The following ARHGAP1 variants were observed in gnomAD, a reference collection of about 807,000 sequenced individuals.
ARHGAP1 encodes the protein rho GTPase-activating protein 1.
In ARHGAP1, 23 loss-of-function variants were observed where a neutral mutation model predicts 52.2. That is an observed-to-expected ratio of 0.44 (90% confidence interval 0.32 to 0.62). The LOEUF (loss-of-function observed/expected upper bound fraction) is 0.62, where lower values mean the gene tolerates loss of function less well. Among genes scored for constraint, ARHGAP1 ranks in the 20% least tolerant of loss-of-function variants. The pLI is 0.05. For missense variants in ARHGAP1, 480 were observed against 560.9 expected (o/e 0.86, Z 1.46); for synonymous variants, 210 against 228.4 (o/e 0.92, Z 0.73).
rs756108181 is a variant in ARHGAP1 at position 46,681,288 on chromosome 11, C to T, written c.536+5G>A. The T allele has an allele frequency of 3.1e-6, 5 of 1,611,878 alleles. 1 individual carries two copies. The South Asian group carries it at 5.5e-5, about 18-fold the overall frequency. ...GGACCACCAGCCCTGCCCGTGGCCA[C>T]TCACCTGATGAGGGGCTTGAAGAGG... On this transcript the variant is annotated splice_donor_5th_base_variant and intron_variant, in intron 6 of 12. Coordinates refer to ENST00000311956, the MANE Select transcript of ARHGAP1 (RefSeq NM_004308.5). This position sits in a 1 kb window ranked among gnomAD's most constrained non-coding sequence, Gnocchi z 5.7.
intron 4 of ARHGAP1, 44 bp from the exon 5 acceptor site, chr11:46,682,226 G>T: frequency 6.3e-7 from 1 of 1,598,824 alleles, no homozygotes; most frequent in Non-Finnish European, 8.6e-7. Flanking sequence ...GTGCACAGGG[G>T]CGGCCCCACG....
intron 4 of ARHGAP1, among the ~76,000 whole-genome samples, chr11:46,682,888 C>T (rs2064539726): frequency 6.6e-6 from 1 of 152,196 alleles, no homozygotes; most frequent in Non-Finnish European, 1.5e-5. Context: ...AAGCACTTCA[C>T]ATACATTAGC....
chr11:46,680,827 C>CGGG lies in ARHGAP1; in HGVS notation c.636-83_636-81dup. On this transcript the variant is annotated intron_variant, in intron 7 of 12. Coordinates refer to ENST00000311956, the MANE Select transcript of ARHGAP1 (RefSeq NM_004308.5). The surrounding 1 kb of genome is among the most constrained non-coding windows in gnomAD (Gnocchi z 5.9). ...CCAATTCAATCAAGCATTGACCACG[C>CGGG]GGGGTCAGGAGGATCATCTCATGCG... is the stretch of plus-strand genomic sequence containing the variant. The CGGG allele has an allele frequency of 8.4e-7, 1 of 1,187,008 alleles. No individual in the cohort carries two copies. The highest frequency in any genetic ancestry group is 1.2e-6 in the Non-Finnish European group (1 of 846,410). The allele number at this position is 1,187,008 out of a possible 1,614,324, so 73.5% of individuals were successfully genotyped here.
Position 46,681,543 on chromosome 11 carries a change from C to T in ARHGAP1, c.450-164G>A. Reference sequence around the variant, plus strand: ...CCACCTCCCGGATTCAAGCTATTCTCCTGCCTCAGCCTCCTGAGTAACTAG... The same window carrying T: ...CCACCTCCCGGATTCAAGCTATTCTTCTGCCTCAGCCTCCTGAGTAACTAG... On this transcript the variant is annotated intron_variant, in intron 5 of 12. Transcript: ENST00000311956. The surrounding 1 kb of genome is among the most constrained non-coding windows in gnomAD (Gnocchi z 5.7). The T allele has an allele frequency of 1.7e-6, 1 of 587,144 alleles. No homozygotes were observed. 36.4% of individuals were successfully genotyped at this position (587,144 alleles called of 1,614,324 possible). A position where few individuals can be genotyped will look rare whatever the true frequency, so the allele number is the denominator to read the frequency against.
At chr11:46,695,180 C>A in intron 3 of ARHGAP1, 1 of 341,728 alleles carries the variant, frequency 2.9e-6, no homozygotes, top group South Asian at 2.3e-5. Flanking sequence ...AGCATATCTG[C>A]CAGGAATCTG....
rs182908485 is a variant in ARHGAP1 at position 46,684,960 on chromosome 11, C to T, written c.318-2778G>A. Reference sequence around the variant, plus strand: ...AAAATTAGCTGAGTGTGGTGGTGCACGCCTGTAATCCCAGCTACTCGGGAG... The same window carrying T: ...AAAATTAGCTGAGTGTGGTGGTGCATGCCTGTAATCCCAGCTACTCGGGAG... On this transcript the variant is annotated intron_variant, in intron 4 of 12. Transcript: ENST00000311956. 8.4e-3 allele frequency among the ~76,000 whole-genome samples: 1,276 copies of T among 151,784 alleles called. 9 individuals carry two copies. Among genetic ancestry groups the T allele is most frequent in the African/African-American group, 0.03 (1,229 of 41,384 alleles).
At chr11:46,690,342 G>A (rs1472465190) in intron 3 of ARHGAP1, among the ~76,000 whole-genome samples, 1 of 150,814 alleles carries the variant, frequency 6.6e-6, no homozygotes, top group African/African-American at 2.4e-5. Flanking sequence ...AGCCGAGATC[G>A]CCCCACTGCA....
At chr11:46,683,629 T>C in intron 4 of ARHGAP1, among the ~76,000 whole-genome samples, 1 of 149,992 alleles carries the variant, frequency 6.7e-6, no homozygotes, top group East Asian at 1.9e-4. Flanking sequence ...AGGGAGTGTG[T>C]GTAAAGCCCT....
chr11:46,684,185 T>C (rs992031383), intron 4 of ARHGAP1, among the ~76,000 whole-genome samples: 11 of 152,340 alleles, frequency 7.2e-5, no homozygotes, highest in African/African-American at 2.6e-4. Flanking sequence ...CCCCAGTACA[T>C]GGTCATTTAC....
In ARHGAP1 at chr11:46,680,938, G is replaced by T; in HGVS notation, c.635+73C>A. ...CGGGCTTGCTCTGCCTAAGCCCCAC[G>T]CGGTCTCTGAATCAGGACACACGTC... On this transcript the variant is annotated intron_variant, in intron 7 of 12. Transcript: ENST00000311956. The surrounding 1 kb of genome is among the most constrained non-coding windows in gnomAD (Gnocchi z 5.9). 4 of 1,394,992 alleles carry T rather than the reference G, an allele frequency of 2.9e-6. No homozygotes were observed. The highest frequency in any genetic ancestry group is 2.3e-5 in the South Asian group (2 of 85,910). 86.4% of individuals were successfully genotyped at this position (1,394,992 alleles called of 1,614,324 possible).
chr11:46,692,828 C>T (rs1226168363), intron 3 of ARHGAP1, among the ~76,000 whole-genome samples: 2 of 151,308 alleles, frequency 1.3e-5, no homozygotes, highest in Admixed American at 6.6e-5. Flanking sequence ...GCTGGGATTA[C>T]AGGCATGCAC....
chr11:46,680,903 G>T lies in ARHGAP1; in HGVS notation c.635+108C>A. ...CAGCAGAAAGCAAAGACCTGGGAGA[G>T]GTCGGGACACGGGCTTGCTCTGCCT... On this transcript the variant is annotated intron_variant, in intron 7 of 12. Coordinates refer to ENST00000311956, the MANE Select transcript of ARHGAP1 (RefSeq NM_004308.5). This position sits in a 1 kb window ranked among gnomAD's most constrained non-coding sequence, Gnocchi z 5.9. 1.7e-6 allele frequency: 2 copies of T among 1,161,338 alleles called. No homozygotes were observed. Among genetic ancestry groups the T allele is most frequent in the South Asian group, 1.3e-5 (1 of 74,308 alleles). The allele number at this position is 1,161,338 out of a possible 1,614,324, so 71.9% of individuals were successfully genotyped here.
Position 46,679,186 on chromosome 11 carries a change from T to C in ARHGAP1, c.1171A>G (p.Asn391Asp). The change falls in exon 13 of 13, where the codon AAC becomes GAC. Residue 391 changes from asparagine (N) to aspartate (D), a missense_variant. Transcript: ENST00000311956. This position sits in a 1 kb window ranked among gnomAD's most constrained non-coding sequence, Gnocchi z 4.4. ...TTAGGGCCGAAAACAACAGCCAGGT[T>C]AGTGTTGGTCATCTTGTTCTGGTCA... ...HSDQNKMTNT[N>D]LAVVFGPNLL... 6.2e-7 allele frequency: 1 copy of C among 1,612,056 alleles called. No individual in the cohort carries two copies. Among genetic ancestry groups the C allele is most frequent in the Non-Finnish European group, 8.5e-7 (1 of 1,178,858 alleles).
chr11:46,692,112 G>C (rs1015168283), intron 3 of ARHGAP1, among the ~76,000 whole-genome samples: 40 of 152,308 alleles, frequency 2.6e-4, no homozygotes, highest in African/African-American at 9.6e-4. Context: ...CTGAGATCCC[G>C]GAGGCCAGCT....
Position 46,681,965 on chromosome 11 carries a change from G to C in ARHGAP1, c.449+86C>G. 1 of 1,576,150 alleles carries C rather than the reference G, an allele frequency of 6.3e-7. No individual in the cohort carries two copies. The highest frequency in any genetic ancestry group is 8.6e-7 in the Non-Finnish European group (1 of 1,156,682). On this transcript the variant is annotated intron_variant, in intron 5 of 12. Transcript: ENST00000311956. This position sits in a 1 kb window ranked among gnomAD's most constrained non-coding sequence, Gnocchi z 5.7. The stretch of plus-strand genomic sequence containing the variant: ...CCCGCCACCCCCTGCCTTGGAATAA[G>C]CTCCTGCCCAAGTGGAGGGCAGCCC...
intron 1 of ARHGAP1, chr11:46,697,028 G>A (rs1476533193): frequency 6.6e-6 from 1 of 152,246 alleles, no homozygotes; most frequent in East Asian, 1.9e-4. Flanking sequence ...TACTCTGCAG[G>A]GTGCTCCTGA....
At chr11:46,692,819 C>T (rs1406552235) in intron 3 of ARHGAP1, among the ~76,000 whole-genome samples, 1 of 151,790 alleles carries the variant, frequency 6.6e-6, no homozygotes, top group Non-Finnish European at 1.5e-5. Flanking sequence ...TCCTGAGTAG[C>T]TGGGATTACA....
rs964829319 is a variant in ARHGAP1, at chr11:46,678,560, G to A, written c.*477C>T. ...CAGGCCTTCATGCAGTGGGGCTTCTGCAAAGCAGGGCAGCCTACCAGATAG... is the reference window on the plus strand; with the variant it reads ...CAGGCCTTCATGCAGTGGGGCTTCTACAAAGCAGGGCAGCCTACCAGATAG... On this transcript the variant is annotated 3_prime_UTR_variant, in exon 13 of 13. Coordinates refer to ENST00000311956, the MANE Select transcript of ARHGAP1 (RefSeq NM_004308.5). The A allele has an allele frequency of 5.6e-6, 1 of 179,126 alleles. No homozygotes were observed. The allele number at this position is 179,126 out of a possible 1,614,324, so 11.1% of individuals were successfully genotyped here. A position where few individuals can be genotyped will look rare whatever the true frequency, so the allele number is the denominator to read the frequency against.
chr11:46,689,448 T>C (rs1365062375), intron 3 of ARHGAP1, among the ~76,000 whole-genome samples: 1 of 152,194 alleles, frequency 6.6e-6, no homozygotes, highest in East Asian at 1.9e-4. Context: ...ATGGAGGTGA[T>C]AATTTTATGA....
Sources: gnomAD v4.1 joint callset for allele counts (sites outside exome capture counted in the v4.1 genomes callset) on GRCh38, gnomAD v4.1.1 for gene constraint, Gnocchi (gnomAD v3.1) non-coding constraint, MANE v1.5 for transcripts, NCBI Gene and HGNC (gene_info 2026-07-23, HGNC 2026-07-21) for gene names.